Variants in PADI4 observed in about 807,000 individuals in gnomAD.
PADI4 encodes the protein peptidyl arginine deiminase 4, also known as protein-arginine deiminase type-4.
Under a neutral mutation model 75.0 loss-of-function variants are expected in PADI4, and 62 were observed. The ratio of observed to expected loss-of-function variants is 0.83; its 90% CI spans 0.67 to 1.02. The LOEUF (loss-of-function observed/expected upper bound fraction) is 1.02, where lower values mean the gene tolerates loss of function less well. PADI4 is among the 50% of genes least tolerant of loss of function. The pLI is 0.00. For missense variants in PADI4, 845 were observed against 850.5 expected, an observed-to-expected ratio of 0.99 and a Z score of 0.08; for synonymous variants, 361 against 348.1, an observed-to-expected ratio of 1.04 and a Z score of -0.41.
intron 1 of PADI4, among the ~76,000 whole-genome samples, chr1:17,314,600 G>A (rs2073900743): frequency 6.6e-6 from 1 of 152,192 alleles, no homozygotes; most frequent in Non-Finnish European, 1.5e-5. Context: ...CAGGAAGCAG[G>A]TCGACGTGAT....
intron 1 of PADI4, among the ~76,000 whole-genome samples, chr1:17,318,852 AT>A (rs796599100): frequency 6.6e-6 from 1 of 150,544 alleles, no homozygotes; most frequent in Non-Finnish European, 1.5e-5. Flanking sequence ...CTCCCGGCTA[AT>A]TTTTTTTTGT....
intron 6 of PADI4, 116 bp downstream of exon 6, chr1:17,339,929 A>T (rs1475604141): frequency 1.8e-6 from 2 of 1,125,890 alleles, no homozygotes; most frequent in Non-Finnish European, 2.5e-6. Flanking sequence ...TTCTAAGAAC[A>T]GCAGACGCAG....
intron 5 of PADI4, among the ~76,000 whole-genome samples, chr1:17,339,215 C>G (rs1329283304): frequency 6.6e-6 from 1 of 152,190 alleles, no homozygotes; most frequent in Non-Finnish European, 1.5e-5. Flanking sequence ...ACCATCTCTT[C>G]ACTCTCCCCA....
chr1:17,329,877 G>T (rs983664154), intron 1 of PADI4, among the ~76,000 whole-genome samples: 3 of 152,184 alleles, frequency 2.0e-5, no homozygotes, highest in African/African-American at 7.2e-5. Context: ...CACTGTGTAT[G>T]TGCATGTGTG....
At chr1:17,310,616 C>G (rs955923095) in intron 1 of PADI4, among the ~76,000 whole-genome samples, 2 of 150,460 alleles carry the variant, frequency 1.3e-5, no homozygotes, top group Non-Finnish European at 3.0e-5. Context: ...CAGAGTAAGA[C>G]TCTGTCTCAA....
chr1:17,345,123 G>A (rs1310137244), intron 8 of PADI4, among the ~76,000 whole-genome samples: 1 of 152,264 alleles, frequency 6.6e-6, no homozygotes, highest in East Asian at 1.9e-4. Context: ...TGACCTGGAT[G>A]TGAGACCTGG....
At chr1:17,325,784 C>A (rs1194118385) in intron 1 of PADI4, among the ~76,000 whole-genome samples, 1 of 151,894 alleles carries the variant, frequency 6.6e-6, no homozygotes, top group Non-Finnish European at 1.5e-5. Context: ...TCTTGACTCA[C>A]TGCAACCTCT....
intron 10 of PADI4, among the ~76,000 whole-genome samples, chr1:17,351,255 A>T (rs1174604210): frequency 6.7e-6 from 1 of 148,730 alleles, no homozygotes; most frequent in Non-Finnish European, 1.5e-5. Flanking sequence ...AGCGGAATGG[A>T]GGGGCTCATA....
chr1:17,312,652 C>T lies in PADI4; in HGVS notation c.92+4338C>T, dbSNP rs2073858668. 1.3e-5 allele frequency among the ~76,000 whole-genome samples: 2 copies of T among 152,058 alleles called. 1 individual carries two copies. The highest frequency in any genetic ancestry group is 2.9e-5 in the Non-Finnish European group (2 of 68,014). On this transcript the variant is annotated intron_variant, in intron 1 of 15. Transcript: ENST00000375448. Reference sequence around the variant, plus strand: ...AATCTATATTGTCACAAATGATAAACATAGAGCAAGGGAAGAAATCAGATA... The same window carrying T: ...AATCTATATTGTCACAAATGATAAATATAGAGCAAGGGAAGAAATCAGATA...
At chr1:17,310,152 A>G (rs905430486) in intron 1 of PADI4, among the ~76,000 whole-genome samples, 12 of 152,256 alleles carry the variant, frequency 7.9e-5, no homozygotes, top group African/African-American at 2.6e-4. Flanking sequence ...GCTAATATTT[A>G]CATCACACTT....
Position 17,359,401 on chromosome 1 carries a change from CCAA to C in PADI4, c.1754_1756del (p.Asn585del), listed in dbSNP as rs1557584970. On this transcript the variant is annotated inframe_deletion, in exon 15 of 16. Transcript: ENST00000375448. ...TTCTCTAAGGCGGAAGCTTTTTTCCCCAACATGGTGAGGAGGTGGCGGCTTTAA... is the reference window on the plus strand; with the variant it reads ...TTCTCTAAGGCGGAAGCTTTTTTCCCCATGGTGAGGAGGTGGCGGCTTTAA... The C allele has an allele frequency of 2.5e-6, 4 of 1,614,014 alleles. No individual in the cohort carries two copies. In the Admixed American group the frequency reaches 5.0e-5, roughly 20 times the overall value.
chr1:17,329,152 A>G lies in PADI4; in HGVS notation c.93-1817A>G, dbSNP rs185114077. On this transcript the variant is annotated intron_variant, in intron 1 of 15. Transcript: ENST00000375448. Reference sequence around the variant, plus strand: ...GCACGATTCTAGGTTAACAGTTACAACTGACCCTTGAATAACATTGTGGAT... The same window carrying G: ...GCACGATTCTAGGTTAACAGTTACAGCTGACCCTTGAATAACATTGTGGAT... 5.5e-3 allele frequency among the ~76,000 whole-genome samples: 831 copies of G among 151,206 alleles called. 10 individuals carry two copies. The highest frequency in any genetic ancestry group is 0.019 in the African/African-American group (795 of 41,188).
In PADI4 at chr1:17,316,465, A is replaced by G. The variant is rs544086220; in HGVS notation, c.92+8151A>G. 2.5e-4 allele frequency among the ~76,000 whole-genome samples: 38 copies of G among 151,792 alleles called. 1 individual carries two copies. The highest frequency in any genetic ancestry group is 7.7e-4 in the African/African-American group (32 of 41,356). On this transcript the variant is annotated intron_variant, in intron 1 of 15. Transcript: ENST00000375448. ...AGCACTTTGGGAGGCTGAGGTGGGC[A>G]GATCACGAGGTCAGGAGATCGAGAC...
Position 17,346,160 on chromosome 1 carries a change from G to T in PADI4, c.1047+21G>T. On this transcript the variant is annotated intron_variant, in intron 9 of 15. Coordinates refer to ENST00000375448, the MANE Select transcript of PADI4 (RefSeq NM_012387.3). This position sits in a 1 kb window ranked among gnomAD's most constrained non-coding sequence, Gnocchi z 4.3. ...TGCAGGTATGTGCCCTGCGGGGCAG[G>T]CAGGGTGACTGTCCCTGAGGGCCAA... The T allele has an allele frequency of 6.6e-7, 1 of 1,503,786 alleles. No homozygotes were observed. Among genetic ancestry groups the T allele is most frequent in the South Asian group, 1.1e-5 (1 of 88,830 alleles). 93.2% of individuals were successfully genotyped at this position (1,503,786 alleles called of 1,614,324 possible).
At chr1:17,347,285 A>T (rs974743160) in intron 9 of PADI4, among the ~76,000 whole-genome samples, 9 of 152,104 alleles carry the variant, frequency 5.9e-5, no homozygotes, top group Non-Finnish European at 1.3e-4. Context: ...AATTGCTGAT[A>T]TGTGCCATTT....
At chr1:17,320,693 C>T (rs1025072813) in intron 1 of PADI4, among the ~76,000 whole-genome samples, 31 of 152,158 alleles carry the variant, frequency 2.0e-4, no homozygotes, top group African/African-American at 7.5e-4. Context: ...AAGTCACTCT[C>T]GTCATCGTCT....
Position 17,359,556 on chromosome 1 carries a change from G to C in PADI4, c.1758+148G>C, listed in dbSNP as rs6664430. Reference sequence around the variant, plus strand: ...TGTCCTGAGTGGTACAAGGTCAGACGTGACCAGGTCCATGCACGTTGGTGT... The same window carrying C: ...TGTCCTGAGTGGTACAAGGTCAGACCTGACCAGGTCCATGCACGTTGGTGT... On this transcript the variant is annotated intron_variant, in intron 15 of 15. Coordinates refer to ENST00000375448, the MANE Select transcript of PADI4 (RefSeq NM_012387.3). 4,202 of 1,017,734 alleles carry C rather than the reference G, an allele frequency of 4.1e-3. 115 individuals are homozygous for C. The African/African-American group carries it at 0.058, about 14-fold the overall frequency. The allele number at this position is 1,017,734 out of a possible 1,614,324, so 63.0% of individuals were successfully genotyped here.
chr1:17,348,474 A>T (rs2074559787), intron 10 of PADI4, among the ~76,000 whole-genome samples: 1 of 152,100 alleles, frequency 6.6e-6, no homozygotes, highest in South Asian at 2.1e-4. Flanking sequence ...GGATCAGTGG[A>T]TCAGTGGTCA....
chr1:17,316,735 A>T (rs377261395), intron 1 of PADI4, among the ~76,000 whole-genome samples: 2 of 128,246 alleles, frequency 1.6e-5, no homozygotes, highest in African/African-American at 5.8e-5. Flanking sequence ...ATTAATTAAA[A>T]TAAATAAATA....
Sources: gnomAD v4.1 joint callset for allele counts (sites outside exome capture counted in the v4.1 genomes callset) on GRCh38, gnomAD v4.1.1 for gene constraint, Gnocchi (gnomAD v3.1) non-coding constraint, MANE v1.5 for transcripts, NCBI Gene and HGNC (gene_info 2026-07-23, HGNC 2026-07-21) for gene names.